Variants in MYRIP observed in about 807,000 individuals in gnomAD.
MYRIP encodes rab effector MyRIP.
In MYRIP, 49 loss-of-function variants were observed where a neutral mutation model predicts 98.0. The ratio of observed to expected loss-of-function variants is 0.50; its 90% CI spans 0.40 to 0.63. The LOEUF (loss-of-function observed/expected upper bound fraction) is 0.63, where lower values mean the gene tolerates loss of function less well. Ranked by LOEUF, MYRIP falls within the 30% of genes least tolerant of loss-of-function variation. MYRIP has a pLI of 0.00. For synonymous variants in MYRIP, 404 were observed against 409.5 expected (o/e 0.99, Z 0.16); for missense variants, 1,004 against 1,058.2 (o/e 0.95, Z 0.71).
rs1219379539 is a variant in MYRIP at position 40,250,473 on chromosome 3, G to A, written c.2402G>A (p.Arg801Lys). 3 of 1,614,062 alleles carry A rather than the reference G, an allele frequency of 1.9e-6. No homozygotes were observed. Among genetic ancestry groups the A allele is most frequent in the Non-Finnish European group, 2.5e-6 (3 of 1,180,022 alleles). The change falls in exon 15 of 17, where the codon AGG (arginine) becomes AAG (lysine). Residue 801 changes from arginine (R) to lysine (K), a missense_variant. Physicochemically the swap from Arg to Lys is conservative, Grantham distance 26 (BLOSUM62 2). Coordinates refer to ENST00000302541, the MANE Select transcript of MYRIP (RefSeq NM_015460.4). ...QTIDTSRQQR[R>K]KLPAPPVKAE... ...ATAGATACATCAAGGCAGCAAAGGA[G>A]GAAACTGCCTGCTCCACCGGTGAAA...
chr3:39,839,781 T>A (rs1274723734), intron 1 of MYRIP, among the ~76,000 whole-genome samples: 1 of 152,088 alleles, frequency 6.6e-6, no homozygotes, highest in Non-Finnish European at 1.5e-5. Flanking sequence ...TTTTCATGTG[T>A]ATTTTGAGTG....
intron 1 of MYRIP, among the ~76,000 whole-genome samples, chr3:39,871,945 G>A (rs1942802570): frequency 2.0e-5 from 3 of 152,078 alleles, no homozygotes; most frequent in South Asian, 2.1e-4. Flanking sequence ...ACCCAGTACA[G>A]TTGTATATCT....
chr3:39,857,104 T>C (rs562990236), intron 1 of MYRIP, among the ~76,000 whole-genome samples: 4 of 152,072 alleles, frequency 2.6e-5, no homozygotes, highest in African/African-American at 9.6e-5. Flanking sequence ...TCCCAGCTAC[T>C]TGGGAGGCTG....
intron 1 of MYRIP, among the ~76,000 whole-genome samples, chr3:39,889,890 C>G (rs1455479730): frequency 6.6e-6 from 1 of 151,906 alleles, no homozygotes; most frequent in African/African-American, 2.4e-5. Context: ...ATTTTTTAGT[C>G]TTTGACACTA....
In MYRIP at chr3:40,218,632, A is replaced by ATATATTT. The variant is rs1553629297; in HGVS notation, c.1905+8544_1905+8545insTTTATAT. Among the ~76,000 whole-genome samples the ATATATTT allele has an allele frequency of 5.1e-4, 46 of 90,896 alleles. 2 individuals carry two copies. Among genetic ancestry groups the ATATATTT allele is most frequent in the Non-Finnish European group, 6.6e-4 (33 of 50,146 alleles). 59.6% of individuals were successfully genotyped at this position (90,896 alleles called of 152,430 possible). On this transcript the variant is annotated intron_variant, in intron 11 of 16. Transcript: ENST00000302541. Reference sequence around the variant, plus strand: ...ATATTTTATATATATATATATATATATATATATATATATATATATATATAC... The same window carrying ATATATTT: ...ATATTTTATATATATATATATATATATATATTTTATATATATATATATATATATATAC...
intron 2 of MYRIP, among the ~76,000 whole-genome samples, chr3:39,902,184 C>T (rs929484154): frequency 5.3e-5 from 8 of 152,184 alleles, no homozygotes; most frequent in Non-Finnish European, 7.3e-5. Flanking sequence ...AGAGCTCTGT[C>T]TCAGGCATCT....
chr3:40,157,176 C>A (rs1950263477), intron 4 of MYRIP, among the ~76,000 whole-genome samples: 1 of 147,744 alleles, frequency 6.8e-6, no homozygotes, highest in Admixed American at 6.8e-5. Flanking sequence ...CCCATCAATA[C>A]CTAATTTATT....
intron 2 of MYRIP, among the ~76,000 whole-genome samples, chr3:40,005,669 T>TAAC (rs1315446113): frequency 2.6e-5 from 4 of 152,254 alleles, no homozygotes; most frequent in Non-Finnish European, 4.4e-5. Flanking sequence ...TTCTCATGGA[T>TAAC]AACAGTCTTC....
chr3:40,161,543 G>A (rs1392755535), intron 4 of MYRIP, among the ~76,000 whole-genome samples: 1 of 152,032 alleles, frequency 6.6e-6, no homozygotes, highest in African/African-American at 2.4e-5. Flanking sequence ...CCCTCCCCTT[G>A]GTCTTGCATC....
intron 2 of MYRIP, among the ~76,000 whole-genome samples, chr3:39,972,745 G>C (rs993878511): frequency 6.6e-6 from 1 of 151,146 alleles, no homozygotes; most frequent in Admixed American, 6.6e-5. Context: ...CCTGCCATTT[G>C]TTTTTTTTCC....
intron 1 of MYRIP, among the ~76,000 whole-genome samples, chr3:39,868,905 G>A (rs1305052790): frequency 6.6e-6 from 1 of 152,166 alleles, no homozygotes; most frequent in Admixed American, 6.5e-5. Context: ...TCTCGTAAGA[G>A]GTCAGCTGTT....
At chr3:40,151,292 TG>T in intron 4 of MYRIP, 108 bp downstream of exon 4, 1 of 1,230,512 alleles carries the variant, frequency 8.1e-7, no homozygotes, top group Non-Finnish European at 1.1e-6. Flanking sequence ...CAGATAAATT[TG>T]CTTAAATATC....
At chr3:39,994,757 C>G (rs1946292000) in intron 2 of MYRIP, among the ~76,000 whole-genome samples, 1 of 152,208 alleles carries the variant, frequency 6.6e-6, no homozygotes, top group African/African-American at 2.4e-5. Flanking sequence ...GGGTCCCTGA[C>G]CCCCGAGTAG....
chr3:39,814,215 C>G (rs762554675), intron 1 of MYRIP, among the ~76,000 whole-genome samples: 1 of 152,116 alleles, frequency 6.6e-6, no homozygotes, highest in Non-Finnish European at 1.5e-5. Flanking sequence ...GGCAGGTTGC[C>G]CTCCTACTGC....
intron 2 of MYRIP, among the ~76,000 whole-genome samples, chr3:39,905,858 A>C (rs114121251): frequency 0.017 from 2,526 of 152,106 alleles, 68 homozygotes; most frequent in African/African-American, 0.057. Flanking sequence ...TTATGAATTA[A>C]TTGTTTTTAT....
chr3:40,176,755 A>C (rs1207249621), intron 8 of MYRIP, among the ~76,000 whole-genome samples: 1 of 151,800 alleles, frequency 6.6e-6, no homozygotes, highest in Admixed American at 6.6e-5. Context: ...TAAAAATACA[A>C]AAAATTAGCT....
intron 2 of MYRIP, among the ~76,000 whole-genome samples, chr3:39,924,255 G>A (rs973889381): frequency 6.6e-6 from 1 of 151,810 alleles, no homozygotes; most frequent in Non-Finnish European, 1.5e-5. Flanking sequence ...CAAATATAAC[G>A]ATATAGATAG....
chr3:39,934,486 T>C (rs1944613075), intron 2 of MYRIP, among the ~76,000 whole-genome samples: 1 of 152,030 alleles, frequency 6.6e-6, no homozygotes, highest in South Asian at 2.1e-4. Context: ...ACCAGCATGC[T>C]ATGCAAGCAG....
At chr3:39,990,391 G>A (rs972575435) in intron 2 of MYRIP, among the ~76,000 whole-genome samples, 3 of 152,138 alleles carry the variant, frequency 2.0e-5, no homozygotes, top group African/African-American at 7.2e-5. Context: ...TTTTCAAGGG[G>A]AGCCTCTGAT....
Sources: gnomAD v4.1 joint callset for allele counts (sites outside exome capture counted in the v4.1 genomes callset) on GRCh38, gnomAD v4.1.1 for gene constraint, MANE v1.5 for transcripts, NCBI Gene and HGNC (gene_info 2026-07-23, HGNC 2026-07-21) for gene names.